The following CADPS2 variants were observed in gnomAD, a reference collection of about 807,000 sequenced individuals.
The protein encoded by CADPS2 is calcium-dependent secretion activator 2.
Under a neutral mutation model 172.5 loss-of-function variants are expected in CADPS2, and 93 were observed. That is an observed-to-expected ratio of 0.54 (90% CI 0.46 to 0.64). The LOEUF (loss-of-function observed/expected upper bound fraction) is 0.64, where lower values mean the gene tolerates loss of function less well. CADPS2 is among the 30% of genes least tolerant of loss of function. The pLI is 0.00. For synonymous variants in CADPS2, 546 were observed against 555.2 expected (o/e 0.98, Z 0.23); for missense variants, 1,420 against 1,565.9 (o/e 0.91, Z 1.57).
At chr7:122,639,936 G>A (rs1192025395) in intron 3 of CADPS2, among the ~76,000 whole-genome samples, 7 of 152,116 alleles carry the variant, frequency 4.6e-5, no homozygotes, top group African/African-American at 1.2e-4. Flanking sequence ...TCTATAGCAC[G>A]AAACTCTTGC....
chr7:122,408,467 T>G (rs116384589), intron 19 of CADPS2, among the ~76,000 whole-genome samples: 4,195 of 152,216 alleles, frequency 0.028, 185 homozygotes, highest in African/African-American at 0.095. Context: ...CTCTGTCACT[T>G]GGGCTGGAGT....
intron 2 of CADPS2, among the ~76,000 whole-genome samples, chr7:122,736,607 A>G (rs1453206799): frequency 6.6e-6 from 1 of 152,196 alleles, no homozygotes; most frequent in Non-Finnish European, 1.5e-5. Flanking sequence ...AAAATTGCAT[A>G]AGATAGCAAT....
intron 7 of CADPS2, among the ~76,000 whole-genome samples, chr7:122,568,374 A>G (rs543929741): frequency 5.3e-5 from 8 of 152,334 alleles, no homozygotes; most frequent in Non-Finnish European, 1.0e-4. Flanking sequence ...AATGAGAAGG[A>G]AATCGTAATC....
At position 122,801,017 on chromosome 7, in the gene CADPS2, A is replaced by T. The variant is rs183836942; in HGVS notation, c.340-63949T>A. 3.8e-3 allele frequency among the ~76,000 whole-genome samples: 580 copies of T among 151,544 alleles called. 2 individuals carry two copies. Among genetic ancestry groups the T allele is most frequent in the Non-Finnish European group, 6.7e-3 (454 of 67,924 alleles). On this transcript the variant is annotated intron_variant, in intron 1 of 29. Coordinates refer to ENST00000449022, the MANE Select transcript of CADPS2 (RefSeq NM_017954.11). Reference sequence around the variant, plus strand: ...AAAAAAAAAAAAAAAAAGAAAATTCAAGTGAACTTCTTACCTTGGGGTAAT... The same window carrying T: ...AAAAAAAAAAAAAAAAAGAAAATTCTAGTGAACTTCTTACCTTGGGGTAAT...
chr7:122,809,728 T>C (rs902605816), intron 1 of CADPS2, among the ~76,000 whole-genome samples: 2 of 152,196 alleles, frequency 1.3e-5, no homozygotes, highest in African/African-American at 4.8e-5. Context: ...TGGGAAATAA[T>C]GTCTCCTCCT....
At chr7:122,758,050 T>C (rs2093237372) in intron 1 of CADPS2, among the ~76,000 whole-genome samples, 1 of 152,182 alleles carries the variant, frequency 6.6e-6, no homozygotes, top group African/African-American at 2.4e-5. Context: ...AAACTGACAT[T>C]CACAGCAAAC....
chr7:122,441,443 A>T, intron 16 of CADPS2, 69 bp downstream of exon 16: 1 of 998,260 alleles, frequency 1.0e-6, no homozygotes, highest in Non-Finnish European at 1.5e-6. Context: ...CTGTCTCCCT[A>T]GTTCAATAAC....
chr7:122,567,832 C>A (rs2066662924), intron 7 of CADPS2, among the ~76,000 whole-genome samples: 1 of 151,768 alleles, frequency 6.6e-6, no homozygotes, highest in Admixed American at 6.6e-5. Flanking sequence ...AGAAGAAAAA[C>A]TAGAATCTTA....
rs1426320576 is a variant in CADPS2 at position 122,453,164 on chromosome 7, T to G, written c.2187-1689A>C. The stretch of plus-strand genomic sequence containing the variant: ...TTAATTTCATATGCAAAATAATATA[T>G]CGACCACATTTATTCCATCTGAATG... On this transcript the variant is annotated intron_variant, in intron 14 of 29. Transcript: ENST00000449022. 2.6e-5 allele frequency among the ~76,000 whole-genome samples: 4 copies of G among 152,272 alleles called. 1 individual carries two copies. The East Asian group carries it at 7.7e-4, about 29-fold the overall frequency.
chr7:122,657,717 G>A (rs1279423554), intron 3 of CADPS2, among the ~76,000 whole-genome samples: 1 of 152,166 alleles, frequency 6.6e-6, no homozygotes, highest in Non-Finnish European at 1.5e-5. Context: ...GGGCTGAGAT[G>A]ATGGGGTTTT....
At chr7:122,572,654 A>G (rs2067428831) in intron 7 of CADPS2, among the ~76,000 whole-genome samples, 1 of 152,112 alleles carries the variant, frequency 6.6e-6, no homozygotes, top group African/African-American at 2.4e-5. Context: ...ATTGCCCACA[A>G]ATAGATGTCC....
chr7:122,514,092 G>T (rs1349286213), intron 8 of CADPS2, among the ~76,000 whole-genome samples: 1 of 152,000 alleles, frequency 6.6e-6, no homozygotes, highest in Non-Finnish European at 1.5e-5. Flanking sequence ...GGAGGAAAAA[G>T]AAGAAATTAA....
intron 22 of CADPS2, among the ~76,000 whole-genome samples, chr7:122,392,309 G>C (rs561433172): frequency 1.1e-4 from 17 of 151,944 alleles, no homozygotes; most frequent in African/African-American, 4.1e-4. Context: ...TAGAGTAGTA[G>C]TAATTATCAT....
At chr7:122,495,621 T>C (rs1488255394) in intron 9 of CADPS2, among the ~76,000 whole-genome samples, 1 of 152,182 alleles carries the variant, frequency 6.6e-6, no homozygotes, top group African/African-American at 2.4e-5. Context: ...TTCTTGTACG[T>C]CTTGTCTTCT....
chr7:122,353,034 G>A lies in CADPS2; in HGVS notation c.3505-7353C>T, dbSNP rs566405260. Reference sequence around the variant, plus strand: ...GCTTTACAATTCAAAGCACATTCACGTTAATGTGCTCATCGAATTCTGAAT... The same window carrying A: ...GCTTTACAATTCAAAGCACATTCACATTAATGTGCTCATCGAATTCTGAAT... On this transcript the variant is annotated intron_variant, in intron 27 of 29. Transcript: ENST00000449022. Among the ~76,000 whole-genome samples, 10 of 152,282 alleles carry A rather than the reference G, an allele frequency of 6.6e-5. No homozygotes were observed. The East Asian group carries it at 1.7e-3, about 27-fold the overall frequency.
intron 1 of CADPS2, chr7:122,850,497 G>C (rs6961555): frequency 4.5e-6 from 1 of 221,120 alleles, no homozygotes; most frequent in Non-Finnish European, 8.9e-6. Flanking sequence ...GCAGGGGGGC[G>C]GGGAGCACAT....
At chr7:122,768,144 GTTAC>G (rs1228009960) in intron 1 of CADPS2, among the ~76,000 whole-genome samples, 1 of 152,084 alleles carries the variant, frequency 6.6e-6, no homozygotes, top group East Asian at 1.9e-4. Flanking sequence ...ATACCTTCAA[GTTAC>G]TTAATCAAGG....
At chr7:122,757,253 C>T (rs1258942388) in intron 1 of CADPS2, among the ~76,000 whole-genome samples, 2 of 152,054 alleles carry the variant, frequency 1.3e-5, no homozygotes, top group African/African-American at 2.4e-5. Context: ...CTCAAGTGAT[C>T]CTCTCAGTTC....
At chr7:122,858,115 GGGTCCATTTTACAGAGTGCCGATT>G (rs1411181046) in intron 1 of CADPS2, among the ~76,000 whole-genome samples, 1 of 152,068 alleles carries the variant, frequency 6.6e-6, no homozygotes, top group Non-Finnish European at 1.5e-5. Flanking sequence ...TCCTTCTGAT[GGGTCCATTTTACAGAGTGCCGATT>G]GGTCCATTTT....
Sources: allele counts gnomAD v4.1 joint callset (sites outside exome capture counted in the v4.1 genomes callset), GRCh38; gene constraint gnomAD v4.1.1; transcripts MANE v1.5; gene names NCBI Gene and HGNC (gene_info 2026-07-23, HGNC 2026-07-21).